Variants in NRP1 observed in about 807,000 individuals in gnomAD.
NRP1 encodes neuropilin-1.
A neutral mutation model predicts 106.7 loss-of-function variants in NRP1; 35 were observed. That is an observed-to-expected ratio of 0.33 (90% CI 0.25 to 0.43). The LOEUF (loss-of-function observed/expected upper bound fraction) is 0.43, where lower values mean the gene tolerates loss of function less well. Among genes scored for constraint, NRP1 ranks in the 20% least tolerant of loss-of-function variants. The pLI is 1.00. For missense variants in NRP1, 1,024 were observed against 1,170.4 expected (o/e 0.87, Z 1.83); for synonymous variants, 437 against 417.9 (o/e 1.05, Z -0.56).
rs548708807 is a variant in NRP1 at position 33,268,918 on chromosome 10, C to T, written c.430+1757G>A. On this transcript the variant is annotated intron_variant, in intron 3 of 16. Transcript: ENST00000374867. Reference sequence around the variant, plus strand: ...TTTCTGAAAGTTCTCTCCATCTATTCCCTATTTATGTGGTGTCAGAGCCAA... The same window carrying T: ...TTTCTGAAAGTTCTCTCCATCTATTTCCTATTTATGTGGTGTCAGAGCCAA... 3.3e-5 allele frequency among the ~76,000 whole-genome samples: 5 copies of T among 152,228 alleles called. No homozygotes were observed. In the South Asian group the frequency reaches 1.0e-3, roughly 32 times the overall value.
intron 7 of NRP1, 128 bp downstream of exon 7, chr10:33,226,006 T>C: frequency 9.7e-7 from 1 of 1,027,416 alleles, no homozygotes; most frequent in South Asian, 1.6e-5. Context: ...AAACCTCTAA[T>C]TGCACTTTTC....
chr10:33,301,509 C>T (rs1564469543), intron 2 of NRP1, among the ~76,000 whole-genome samples: 1 of 152,148 alleles, frequency 6.6e-6, no homozygotes, highest in African/African-American at 2.4e-5. Flanking sequence ...CTGGTAACGA[C>T]AATTTATTCT....
intron 11 of NRP1, among the ~76,000 whole-genome samples, chr10:33,197,928 A>C (rs1836909908): frequency 6.6e-6 from 1 of 152,070 alleles, no homozygotes; most frequent in African/African-American, 2.4e-5. Flanking sequence ...ATTTCTTTTA[A>C]AAATTTATAA....
chr10:33,251,662 T>C (rs1338184603), intron 6 of NRP1, among the ~76,000 whole-genome samples: 1 of 152,210 alleles, frequency 6.6e-6, no homozygotes, highest in Non-Finnish European at 1.5e-5. Context: ...CAAAGAATGA[T>C]GTAAATCTGT....
At position 33,186,370 on chromosome 10, in the gene NRP1, G is replaced by A; in HGVS notation, c.2181C>T (p.His727=). 1 of 1,614,144 alleles carries A rather than the reference G, an allele frequency of 6.2e-7. No individual in the cohort carries two copies. ...GTGTGCCGACGTGGGACCCAGACAT[G>A]TGATACCAGAAGGTCATGCAGTGGG... ...NSAHCMTFWY[H]MSGSHVGTLR... is the part of the protein sequence containing the mutation. The change falls in exon 14 of 17, where the codon CAC becomes CAT. Residue 727 remains histidine (H), a synonymous_variant. Coordinates refer to ENST00000374867, the MANE Select transcript of NRP1 (RefSeq NM_003873.7).
At chr10:33,245,236 C>T (rs1029408071) in intron 6 of NRP1, among the ~76,000 whole-genome samples, 13 of 152,126 alleles carry the variant, frequency 8.5e-5, no homozygotes, top group African/African-American at 2.4e-4. Flanking sequence ...TTTACGCCAG[C>T]GGTTTTCAAG....
intron 11 of NRP1, among the ~76,000 whole-genome samples, chr10:33,198,135 A>C (rs1356580930): frequency 8.2e-6 from 1 of 122,108 alleles, no homozygotes; most frequent in African/African-American, 3.6e-5. Flanking sequence ...CTTTTTTTTA[A>C]ATTTTTAAAT....
Position 33,179,742 on chromosome 10 carries a change from T to G in NRP1, c.*334A>C. ...CCAGCATCTTGGATTTCGCTCAGTT[T>G]CCAAAAAGAATCCACAAAGGGGAGA... On this transcript the variant is annotated 3_prime_UTR_variant, in exon 17 of 17. Coordinates refer to ENST00000374867, the MANE Select transcript of NRP1 (RefSeq NM_003873.7). The G allele has an allele frequency of 4.0e-6, 1 of 249,458 alleles. No individual in the cohort carries two copies. The highest frequency in any genetic ancestry group is 8.9e-5 in the East Asian group (1 of 11,294). 15.5% of individuals were successfully genotyped at this position (249,458 alleles called of 1,614,324 possible). A position where few individuals can be genotyped will look rare whatever the true frequency, so the allele number is the denominator to read the frequency against.
intron 4 of NRP1, among the ~76,000 whole-genome samples, chr10:33,260,107 T>A (rs1417790269): frequency 6.6e-6 from 1 of 152,044 alleles, no homozygotes; most frequent in African/African-American, 2.4e-5. Context: ...AAGCAGTCCC[T>A]CCCACCTAGG....
At chr10:33,180,906 T>C (rs1376879247) in intron 16 of NRP1, among the ~76,000 whole-genome samples, 5 of 152,216 alleles carry the variant, frequency 3.3e-5, no homozygotes, top group Admixed American at 6.5e-5. Flanking sequence ...TCTACAGTAG[T>C]TTCAGTAAAG....
At chr10:33,233,874 T>C (rs1840353941) in intron 6 of NRP1, among the ~76,000 whole-genome samples, 1 of 152,238 alleles carries the variant, frequency 6.6e-6, no homozygotes. Context: ...TTGTCTCATT[T>C]CCTTAGATAA....
chr10:33,247,483 T>C (rs898755908), intron 6 of NRP1, among the ~76,000 whole-genome samples: 1 of 152,130 alleles, frequency 6.6e-6, no homozygotes, highest in African/African-American at 2.4e-5. Context: ...GTTGGTGAAG[T>C]GTATGGATGG....
chr10:33,304,250 C>A (rs1172029869), intron 2 of NRP1, among the ~76,000 whole-genome samples: 1 of 152,194 alleles, frequency 6.6e-6, no homozygotes, highest in Non-Finnish European at 1.5e-5. Flanking sequence ...TCTTCTTTCA[C>A]TGATTGACTT....
intron 13 of NRP1, 67 bp from the exon 14 acceptor site, chr10:33,186,555 C>T: frequency 6.6e-7 from 1 of 1,523,946 alleles, no homozygotes; most frequent in East Asian, 2.3e-5. Flanking sequence ...TCTCTTCTTT[C>T]AAGTCTCACT....
At chr10:33,198,143 A>ATT (rs1564371496) in intron 11 of NRP1, among the ~76,000 whole-genome samples, 3 of 67,110 alleles carry the variant, frequency 4.5e-5, no homozygotes, top group African/African-American at 1.4e-4. Context: ...TAAATTTTTA[A>ATT]ATTTTTTTTT....
Position 33,281,751 on chromosome 10 carries a change from C to G in NRP1, c.249-10895G>C, listed in dbSNP as rs548486976. On this transcript the variant is annotated intron_variant, in intron 2 of 16. Coordinates refer to ENST00000374867, the MANE Select transcript of NRP1 (RefSeq NM_003873.7). ...TTGCAGAATCCCAGGGAGAAATAAA[C>G]GAAATCATACATGTCATGACGCTTG... 9.9e-5 allele frequency among the ~76,000 whole-genome samples: 15 copies of G among 152,216 alleles called. No homozygotes were observed. In the South Asian group the frequency reaches 1.0e-3, roughly 11 times the overall value.
chr10:33,244,904 T>C (rs564691856), intron 6 of NRP1, among the ~76,000 whole-genome samples: 1 of 152,232 alleles, frequency 6.6e-6, no homozygotes, highest in Non-Finnish European at 1.5e-5. Flanking sequence ...TGCTTCCTTT[T>C]CTTAATCCCA....
At chr10:33,275,496 A>C (rs146378823) in intron 2 of NRP1, among the ~76,000 whole-genome samples, 64 of 152,140 alleles carry the variant, frequency 4.2e-4, no homozygotes, top group Middle Eastern at 3.4e-3. Context: ...TGAACCTGGG[A>C]GGTGGAGGCT....
At chr10:33,309,113 T>C (rs149734757) in intron 2 of NRP1, among the ~76,000 whole-genome samples, 172 of 152,360 alleles carry the variant, frequency 1.1e-3, no homozygotes, top group African/African-American at 4.0e-3. Flanking sequence ...TTTTCATAGA[T>C]GGAGCAGAGA....
Sources: allele counts gnomAD v4.1 joint callset (sites outside exome capture counted in the v4.1 genomes callset), GRCh38; gene constraint gnomAD v4.1.1; transcripts MANE v1.5; gene names NCBI Gene and HGNC (gene_info 2026-07-23, HGNC 2026-07-21).